PLEKHG4: variants seen among roughly 807,000 people sequenced by gnomAD.
PLEKHG4 encodes the protein puratrophin-1.
In PLEKHG4, 85 loss-of-function variants were observed where a neutral mutation model predicts 136.9. That is an observed-to-expected ratio of 0.62 (90% CI 0.52 to 0.74). PLEKHG4 has a LOEUF of 0.74. PLEKHG4 is among the 30% of genes least tolerant of loss of function. PLEKHG4 has a pLI of 0.00. For synonymous variants in PLEKHG4, 577 were observed against 646.9 expected (o/e 0.89, Z 1.64); for missense variants, 1,317 against 1,527.8 (o/e 0.86, Z 2.30).
At position 67,286,765 on chromosome 16, in the gene PLEKHG4, A is replaced by G; in HGVS notation, c.2771A>G (p.Gln924Arg). The G allele has an allele frequency of 6.2e-7, 1 of 1,614,064 alleles. No individual in the cohort carries two copies. ...ACTCTGCAGGTTAACCTCAAGGAAC[A>G]GGGGCAGCTGGTGCGACAGGATGAG... Reference protein sequence around the residue: ...IQGCDVNLKEQGQLVRQDEFV... With the variant: ...IQGCDVNLKERGQLVRQDEFV... The change falls in exon 17 of 22, where the codon CAG (glutamine) becomes CGG (arginine). Residue 924 changes from glutamine (Q) to arginine (R), a missense_variant. Gln to Arg is a conservative substitution (Grantham distance 43, BLOSUM62 1). Transcript: ENST00000379344.
Position 67,280,220 on chromosome 16 carries a change from A to G in PLEKHG4, c.176A>G (p.Glu59Gly). 2 of 1,613,862 alleles carry G rather than the reference A, an allele frequency of 1.2e-6. No individual in the cohort carries two copies. Among genetic ancestry groups the G allele is most frequent in the Non-Finnish European group, 8.5e-7 (1 of 1,179,952 alleles). ...CCACCAGCCGGGGCCACCCAGGATG[A>G]GGAGCTACAGGGCAGCCCCTTGTCC... ...PRPPAGATQDEELQGSPLSRK... is the reference protein window; with the variant it reads ...PRPPAGATQDGELQGSPLSRK... Residue 59 changes from glutamate to glycine, a missense_variant, in exon 2 of 22, where the codon GAG (glutamate) becomes GGG (glycine). By Grantham distance (98) the Glu-to-Gly change is moderately conservative (BLOSUM62 -2). Transcript: ENST00000379344. This position sits in a 1 kb window ranked among gnomAD's most constrained non-coding sequence, Gnocchi z 4.4.
intron 17 of PLEKHG4, 32 bp from the exon 18 acceptor site, chr16:67,286,968 C>A (rs1597386047): frequency 1.2e-6 from 2 of 1,613,056 alleles, no homozygotes; most frequent in Non-Finnish European, 1.7e-6. Flanking sequence ...CGCCCCATGC[C>A]TTACCAAGCC....
chr16:67,286,678 C>A lies in PLEKHG4; in HGVS notation c.2754+12C>A. On this transcript the variant is annotated intron_variant, in intron 16 of 21. Transcript: ENST00000379344. ...TCCAGGGCTGTGATGTGAGTCATCCCAGGGCAAGGGCAGTGGGTGTGAAGA... is the reference window on the plus strand; with the variant it reads ...TCCAGGGCTGTGATGTGAGTCATCCAAGGGCAAGGGCAGTGGGTGTGAAGA... 6.3e-7 allele frequency: 1 copy of A among 1,582,608 alleles called. No individual in the cohort carries two copies. Among genetic ancestry groups the A allele is most frequent in the East Asian group, 2.3e-5 (1 of 43,036 alleles).
chr16:67,288,618 G>C lies in PLEKHG4; in HGVS notation c.3570+14G>C. The C allele has an allele frequency of 6.2e-7, 1 of 1,613,882 alleles. No individual in the cohort carries two copies. Among genetic ancestry groups the C allele is most frequent in the Non-Finnish European group, 8.5e-7 (1 of 1,179,792 alleles). On this transcript the variant is annotated intron_variant, in intron 21 of 21. Coordinates refer to ENST00000379344, the MANE Select transcript of PLEKHG4 (RefSeq NM_001129729.3). ...GACTTACCCTGTGTGAGTGCCATTT[G>C]CCCTATACCCACCAGCCCTTCCCCA...
chr16:67,278,223 C>G (rs1449700531), upstream of PLEKHG4: 4 of 149,840 alleles, frequency 2.7e-5, no homozygotes, highest in Non-Finnish European at 5.9e-5. Flanking sequence ...TGGAGCAGGA[C>G]AACTCCAAGG....
rs151308785 is a variant in PLEKHG4 at position 67,285,374 on chromosome 16, C to G, written c.2280C>G (p.Pro760=). 1 of 1,614,096 alleles carries G rather than the reference C, an allele frequency of 6.2e-7. No homozygotes were observed. The highest frequency in any genetic ancestry group is 8.5e-7 in the Non-Finnish European group (1 of 1,180,044). The change falls in exon 14 of 22, where the codon CCC becomes CCG. Residue 760 remains proline (P), a synonymous_variant. Transcript: ENST00000379344. The part of the protein sequence containing the change: ...ALEYTMENYF[P]ELDRPDVPQG... ...AGTACACTATGGAGAACTATTTCCC[C>G]GAGCTGGATCGCCCCGATGTGCCCC...
In PLEKHG4 at chr16:67,284,747, T is replaced by C. The variant is rs1158588453; in HGVS notation, c.1727T>C (p.Leu576Ser). The C allele has an allele frequency of 1.9e-6, 3 of 1,613,742 alleles. No individual in the cohort carries two copies. The African/African-American group carries it at 4.0e-5, about 22-fold the overall frequency. ...LTWAEEGQRV[L>S]AELEQERPGV... is the part of the protein sequence containing the mutation. ...TGGGCTGAGGAGGGGCAGCGAGTGT[T>C]GGCAGAGCTGGAGCAGGAACGCCCG... Residue 576 changes from leucine to serine, a missense_variant, in exon 13 of 22, where the codon TTG becomes TCG. Coordinates refer to ENST00000379344, the MANE Select transcript of PLEKHG4 (RefSeq NM_001129729.3). This position sits in a 1 kb window ranked among gnomAD's most constrained non-coding sequence, Gnocchi z 4.4.
intron 5 of PLEKHG4, 61 bp from the exon 6 acceptor site, chr16:67,281,506 G>A (rs369959463): frequency 4.6e-5 from 66 of 1,434,894 alleles, no homozygotes; most frequent in East Asian, 3.0e-4. Context: ...AATTACAGGC[G>A]TGAGCCACCA....
rs2036402396 is a variant in PLEKHG4 at position 67,285,031 on chromosome 16, C to T, written c.2011C>T (p.Pro671Ser). The change falls in exon 13 of 22, where the codon CCC becomes TCC. Residue 671 changes from proline (P) to serine (S), a missense_variant. Transcript: ENST00000379344. ...GGTCCCCGCTGCACCTGCCCACCCTCCCCTGAGGAAGGCCTACAGCTTCGA... is the reference window on the plus strand; with the variant it reads ...GGTCCCCGCTGCACCTGCCCACCCTTCCCTGAGGAAGGCCTACAGCTTCGA... ...SQVPAAPAHP[P>S]LRKAYSFDRN... The T allele has an allele frequency of 6.2e-7, 1 of 1,613,654 alleles. No homozygotes were observed. The highest frequency in any genetic ancestry group is 8.5e-7 in the Non-Finnish European group (1 of 1,179,966).
chr16:67,286,207 G>A, intron 14 of PLEKHG4, 67 bp from the exon 15 acceptor site: 4 of 1,175,908 alleles, frequency 3.4e-6, no homozygotes, highest in South Asian at 1.2e-5. Context: ...GCTGAGGGTG[G>A]TCTAGCCTGT....
At chr16:67,287,823 T>C in intron 18 of PLEKHG4, 75 bp from the exon 19 acceptor site, 1 of 944,414 alleles carries the variant, frequency 1.1e-6, no homozygotes. Context: ...AGGAAAGACT[T>C]ATCTGGGGGG....
chr16:67,287,654 A>G, intron 18 of PLEKHG4: 1 of 574,092 alleles, frequency 1.7e-6, no homozygotes, highest in Non-Finnish European at 3.1e-6. Flanking sequence ...CGGCCTCCCA[A>G]AGTGTTGGGA....
rs2036359330 is a variant in PLEKHG4, at chr16:67,284,308, C to T, written c.1543C>T (p.Pro515Ser). 6.2e-7 allele frequency: 1 copy of T among 1,613,950 alleles called. No individual in the cohort carries two copies. Among genetic ancestry groups the T allele is most frequent in the Non-Finnish European group, 8.5e-7 (1 of 1,179,944 alleles). ...CAGGCAAGGGGAGAAGTTTCTGCAGCCGCTGACTGGCTGGGAGGCGGCTGA... is the reference window on the plus strand; with the variant it reads ...CAGGCAAGGGGAGAAGTTTCTGCAGTCGCTGACTGGCTGGGAGGCGGCTGA... ...QVRQGEKFLQ[P>S]LTGWEAAELD... The change falls in exon 12 of 22, where the codon CCG becomes TCG. Residue 515 changes from proline to serine, a missense_variant. By Grantham distance (74) the Pro-to-Ser change is moderately conservative. Transcript: ENST00000379344. This position sits in a 1 kb window ranked among gnomAD's most constrained non-coding sequence, Gnocchi z 4.4.
chr16:67,281,420 T>TC, intron 5 of PLEKHG4, 147 bp from the exon 6 acceptor site: 1 of 758,486 alleles, frequency 1.3e-6, no homozygotes, highest in Non-Finnish European at 2.3e-6. Context: ...AGAGGGGGTT[T>TC]CACCATGTGT....
In PLEKHG4 at chr16:67,286,213, C is replaced by T. The variant is rs114543707; in HGVS notation, c.2443-61C>T. On this transcript the variant is annotated intron_variant, in intron 14 of 21. Transcript: ENST00000379344. ...TCCTCTCAAGCTGAGGGTGGTCTAGCCTGTGCCAGCCTTAGGGAGCTGGCC... is the reference window on the plus strand; with the variant it reads ...TCCTCTCAAGCTGAGGGTGGTCTAGTCTGTGCCAGCCTTAGGGAGCTGGCC... 1,730 of 1,249,644 alleles carry T rather than the reference C, an allele frequency of 1.4e-3. 19 individuals carry two copies. The African/African-American group carries it at 0.022, about 16-fold the overall frequency. 77.4% of individuals were successfully genotyped at this position (1,249,644 alleles called of 1,614,324 possible).
At position 67,288,376 on chromosome 16, in the gene PLEKHG4, G is replaced by A; in HGVS notation, c.3430G>A (p.Glu1144Lys). 6.2e-7 allele frequency: 1 copy of A among 1,611,750 alleles called. No homozygotes were observed. The highest frequency in any genetic ancestry group is 1.1e-5 in the South Asian group (1 of 91,088). Residue 1144 changes from glutamate to lysine, a missense_variant, in exon 20 of 22, where the codon GAG becomes AAG. Physicochemically the swap from Glu to Lys is moderately conservative, Grantham distance 56 (BLOSUM62 1). Transcript: ENST00000379344. ...PEEAALEAEA[E>K]LGGQPSLTAE... The stretch of plus-strand genomic sequence containing the variant: ...GGAAGCAGCACTGGAGGCTGAGGCA[G>A]AGCTGGGCGGCCAGCCCTCTTTGAG...
Position 67,280,553 on chromosome 16 carries a change from G to A in PLEKHG4, c.499+10G>A. 6.2e-7 allele frequency: 1 copy of A among 1,613,104 alleles called. No homozygotes were observed. Among genetic ancestry groups the A allele is most frequent in the Non-Finnish European group, 8.5e-7 (1 of 1,179,948 alleles). On this transcript the variant is annotated intron_variant, in intron 2 of 21. Transcript: ENST00000379344. This position sits in a 1 kb window ranked among gnomAD's most constrained non-coding sequence, Gnocchi z 4.4. ...AAGCTGCTGGAGGCAGGTAAGGAAG[G>A]CTGGGCTAGGGAAGTCTGGGAAGGG...
At chr16:67,282,180 G>A in intron 8 of PLEKHG4, 21 bp from the exon 9 acceptor site, 1 of 1,613,566 alleles carries the variant, frequency 6.2e-7, no homozygotes, top group Non-Finnish European at 8.5e-7. Flanking sequence ...CACCTCCACA[G>A]CTTATTGCCC....
Position 67,285,214 on chromosome 16 carries a change from AG to A in PLEKHG4, c.2195+1del. 1 of 1,613,718 alleles carries A rather than the reference AG, an allele frequency of 6.2e-7. No individual in the cohort carries two copies. The highest frequency in any genetic ancestry group is 8.5e-7 in the Non-Finnish European group (1 of 1,180,016). ...CAGCTCTGACCCCAGGAGCCTCAAC[AG>A]GTATGGGCAGTAGGCAGGGCGGGGA... Reference protein sequence around the residue: ...PGSSDPRSLNRLQLVLAEMVA... With the variant: ...PGSSDPRSLNXLQLVLAEMVA... On this transcript the variant is annotated frameshift_variant and splice_region_variant, in exon 13 of 22. Transcript: ENST00000379344. LOFTEE classifies it high-confidence loss of function.
Sources: allele counts gnomAD v4.1 joint callset, GRCh38; gene constraint gnomAD v4.1.1; non-coding constraint Gnocchi (gnomAD v3.1); transcripts MANE v1.5; gene names NCBI Gene and HGNC (gene_info 2026-07-23, HGNC 2026-07-21).